Variants in CAMTA1 observed in about 807,000 individuals in gnomAD.
CAMTA1 encodes calmodulin binding transcription activator 1.
A neutral mutation model predicts 170.9 loss-of-function variants in CAMTA1; 27 were observed. The observed-to-expected ratio is 0.16, with a 90% CI of 0.12 to 0.22. The LOEUF is 0.22. CAMTA1 is among the 10% of genes least tolerant of loss of function. CAMTA1 has a pLI of 1.00. For missense variants in CAMTA1, 1,619 were observed against 2,217.2 expected (o/e 0.73, Z 5.42); for synonymous variants, 833 against 891.5 (o/e 0.93, Z 1.17).
intron 4 of CAMTA1, among the ~76,000 whole-genome samples, chr1:7,247,180 C>T (rs1213384644): frequency 6.6e-6 from 1 of 152,208 alleles, no homozygotes; most frequent in Non-Finnish European, 1.5e-5. Flanking sequence ...TTTATTAAGG[C>T]CATTTAAGCT....
At chr1:7,295,943 C>T (rs1468706926) in intron 5 of CAMTA1, among the ~76,000 whole-genome samples, 1 of 152,246 alleles carries the variant, frequency 6.6e-6, no homozygotes, top group Non-Finnish European at 1.5e-5. Context: ...CTCAGGGCTC[C>T]TTACAAGGCT....
chr1:7,717,670 G>A (rs2096620981), intron 11 of CAMTA1, among the ~76,000 whole-genome samples: 1 of 151,900 alleles, frequency 6.6e-6, no homozygotes, highest in Non-Finnish European at 1.5e-5. Context: ...AGAGGCTGTG[G>A]TGAGTCATGT....
chr1:7,766,346 C>T (rs1055651029), intron 22 of CAMTA1, 113 bp from the exon 23 acceptor site: 18 of 867,588 alleles, frequency 2.1e-5, no homozygotes, highest in East Asian at 1.3e-4. Context: ...ATCCTCAAAA[C>T]GGTTTTAGTC....
At chr1:7,719,300 C>G (rs1230067287) in intron 11 of CAMTA1, among the ~76,000 whole-genome samples, 1 of 152,082 alleles carries the variant, frequency 6.6e-6, no homozygotes, top group Non-Finnish European at 1.5e-5. Context: ...CCTGAGACAC[C>G]CCTAGCTCTA....
At chr1:7,233,300 C>T (rs547107281) in intron 4 of CAMTA1, among the ~76,000 whole-genome samples, 29 of 152,142 alleles carry the variant, frequency 1.9e-4, no homozygotes, top group Non-Finnish European at 4.3e-4. Context: ...GAGGAGACTG[C>T]GGTGGGGCTG....
At chr1:7,763,252 CT>C (rs34602034) in intron 22 of CAMTA1, among the ~76,000 whole-genome samples, 11 of 151,878 alleles carry the variant, frequency 7.2e-5, no homozygotes, top group South Asian at 2.1e-4. Context: ...TCATTTTCCC[CT>C]TTTTTTTCTA....
chr1:6,958,373 T>A (rs1441555072), intron 3 of CAMTA1, among the ~76,000 whole-genome samples: 1 of 152,206 alleles, frequency 6.6e-6, no homozygotes, highest in African/African-American at 2.4e-5. Context: ...GAGCGTCTCA[T>A]CCGCAGCCCC....
intron 4 of CAMTA1, among the ~76,000 whole-genome samples, chr1:7,171,157 T>C (rs1649515493): frequency 6.6e-6 from 1 of 152,210 alleles, no homozygotes; most frequent in African/African-American, 2.4e-5. Flanking sequence ...CAACCTGTTC[T>C]CCTGGAACGT....
At chr1:6,829,978 TA>T (rs201988108) in intron 3 of CAMTA1, among the ~76,000 whole-genome samples, 1 of 152,042 alleles carries the variant, frequency 6.6e-6, no homozygotes, top group African/African-American at 2.4e-5. Context: ...TTCCTTTTTT[TA>T]AAAAAAGTTT....
At chr1:7,346,857 A>C (rs914011420) in intron 5 of CAMTA1, among the ~76,000 whole-genome samples, 4 of 152,050 alleles carry the variant, frequency 2.6e-5, no homozygotes, top group Non-Finnish European at 5.9e-5. Flanking sequence ...CCTTCCCCCT[A>C]GTTTCTTGGG....
At chr1:7,058,311 G>A (rs1413223330) in intron 3 of CAMTA1, among the ~76,000 whole-genome samples, 1 of 152,170 alleles carries the variant, frequency 6.6e-6, no homozygotes, top group African/African-American at 2.4e-5. Context: ...GTCAGAGATG[G>A]GAGACGGTTT....
intron 5 of CAMTA1, among the ~76,000 whole-genome samples, chr1:7,302,309 G>A (rs1353208513): frequency 6.6e-6 from 1 of 152,064 alleles, no homozygotes; most frequent in Admixed American, 6.5e-5. Context: ...CCTTTTTGGA[G>A]CAGCTCACCT....
At chr1:7,068,180 G>C (rs991564154) in intron 3 of CAMTA1, among the ~76,000 whole-genome samples, 3 of 152,150 alleles carry the variant, frequency 2.0e-5, no homozygotes, top group African/African-American at 7.2e-5. Flanking sequence ...GAAAGCAAAA[G>C]ACATCTGCCC....
At chr1:7,073,499 G>T (rs1638911835) in intron 3 of CAMTA1, among the ~76,000 whole-genome samples, 1 of 152,050 alleles carries the variant, frequency 6.6e-6, no homozygotes, top group African/African-American at 2.4e-5. Context: ...GGGGAGATTT[G>T]GGGCAATCTG....
chr1:7,317,447 T>C (rs1677695198), intron 5 of CAMTA1, among the ~76,000 whole-genome samples: 1 of 152,244 alleles, frequency 6.6e-6, no homozygotes. Context: ...ACTGTGAGGG[T>C]TCAGTGAATT....
chr1:7,507,158 A>C (rs2094130546), intron 6 of CAMTA1, among the ~76,000 whole-genome samples: 1 of 150,314 alleles, frequency 6.7e-6, no homozygotes, highest in Non-Finnish European at 1.5e-5. Context: ...TCCCACACTC[A>C]CACAACACAC....
intron 3 of CAMTA1, among the ~76,000 whole-genome samples, chr1:6,835,608 C>T (rs1652696092): frequency 6.6e-6 from 1 of 152,062 alleles, no homozygotes; most frequent in Non-Finnish European, 1.5e-5. Flanking sequence ...CTAACAAGTG[C>T]CCAGGTGAAA....
At chr1:7,274,680 C>T (rs4481876) in intron 5 of CAMTA1, among the ~76,000 whole-genome samples, 30,584 of 152,044 alleles carry the variant, frequency 0.2, 3,302 homozygotes, top group East Asian at 0.42. Flanking sequence ...AAACTATATA[C>T]TGTGTCATAA....
intron 4 of CAMTA1, among the ~76,000 whole-genome samples, chr1:7,215,012 C>G (rs755254374): frequency 6.6e-6 from 1 of 152,042 alleles, no homozygotes; most frequent in Non-Finnish European, 1.5e-5. Flanking sequence ...GTTCTCTATT[C>G]TATTGGTTTA....
Sources: gnomAD v4.1 joint callset for allele counts (sites outside exome capture counted in the v4.1 genomes callset) on GRCh38, gnomAD v4.1.1 for gene constraint, MANE v1.5 for transcripts, NCBI Gene and HGNC (gene_info 2026-07-23, HGNC 2026-07-21) for gene names.